The following ERP44 variants were observed in gnomAD, a reference collection of about 807,000 sequenced individuals.
ERP44 encodes endoplasmic reticulum protein 44, also known as endoplasmic reticulum resident protein 44.
A neutral mutation model predicts 53.4 loss-of-function variants in ERP44; 25 were observed. The observed-to-expected ratio is 0.47, with a 90% CI of 0.34 to 0.65. The LOEUF (loss-of-function observed/expected upper bound fraction) is 0.65. Among genes scored for constraint, ERP44 ranks in the 30% least tolerant of loss-of-function variants. The probability of loss-of-function intolerance (pLI) is 0.01; values close to 1 mark genes in which losing one functional copy is unlikely to be tolerated. For missense variants in ERP44, 338 were observed against 493.2 expected (o/e 0.69, Z 2.98); for synonymous variants, 145 against 161.2 (o/e 0.90, Z 0.76).
chr9:100,016,943 G>T (rs1830531318), intron 7 of ERP44, among the ~76,000 whole-genome samples: 1 of 152,150 alleles, frequency 6.6e-6, no homozygotes, highest in South Asian at 2.1e-4. Flanking sequence ...AGGCAGGAAG[G>T]CATTGTGAAA....
chr9:100,096,488 G>T (rs866086441), intron 1 of ERP44, among the ~76,000 whole-genome samples: 13 of 152,002 alleles, frequency 8.6e-5, no homozygotes, highest in South Asian at 2.1e-4. Context: ...CATCCAGAAA[G>T]GCTTTGTGGC....
chr9:99,999,379 A>C (rs56332470), intron 10 of ERP44, among the ~76,000 whole-genome samples: 1 of 152,172 alleles, frequency 6.6e-6, no homozygotes, highest in Non-Finnish European at 1.5e-5. Context: ...TAGATTGTGA[A>C]GATTTTCTCC....
Position 100,045,765 on chromosome 9 carries a change from C to T in ERP44, c.286+6652G>A, listed in dbSNP as rs995408442. ...AGGTGATTGATACAAACAAGACATA[C>T]GTGGGCATGATGATATCTTGATTCT... On this transcript the variant is annotated intron_variant, in intron 4 of 11. Transcript: ENST00000262455. Among the ~76,000 whole-genome samples the T allele has an allele frequency of 1.1e-4, 17 of 152,192 alleles. No individual in the cohort carries two copies. In the South Asian group the frequency reaches 1.5e-3, roughly 13 times the overall value.
chr9:100,032,664 T>A lies in ERP44; in HGVS notation c.287-10438A>T, dbSNP rs569987762. 2.0e-5 allele frequency among the ~76,000 whole-genome samples: 3 copies of A among 152,358 alleles called. 1 individual carries two copies. The East Asian group carries it at 5.8e-4, about 29-fold the overall frequency. Reference sequence around the variant, plus strand: ...GTAAAATTGTTGTATGGCACAGAAGTAAGCAAAATTAACTTGTCAATTGTG... The same window carrying A: ...GTAAAATTGTTGTATGGCACAGAAGAAAGCAAAATTAACTTGTCAATTGTG... On this transcript the variant is annotated intron_variant, in intron 4 of 11. Coordinates refer to ENST00000262455, the MANE Select transcript of ERP44 (RefSeq NM_015051.3).
At chr9:99,993,003 G>A (rs557520078) in intron 10 of ERP44, among the ~76,000 whole-genome samples, 2 of 152,248 alleles carry the variant, frequency 1.3e-5, no homozygotes, top group East Asian at 1.9e-4. Context: ...ACTGCTCAAC[G>A]AATTAAAAGA....
intron 1 of ERP44, among the ~76,000 whole-genome samples, chr9:100,076,827 G>A (rs1043638063): frequency 6.6e-6 from 1 of 152,200 alleles, no homozygotes; most frequent in Non-Finnish European, 1.5e-5. Flanking sequence ...GATCCATTCT[G>A]TGGACACCAC....
At chr9:100,032,638 T>C (rs921922223) in intron 4 of ERP44, among the ~76,000 whole-genome samples, 13 of 152,230 alleles carry the variant, frequency 8.5e-5, no homozygotes, top group Non-Finnish European at 1.5e-4. Flanking sequence ...ATAATTGATA[T>C]GTAAAATTGT....
chr9:100,069,022 G>C (rs1306186122), intron 1 of ERP44, among the ~76,000 whole-genome samples: 1 of 152,118 alleles, frequency 6.6e-6, no homozygotes, highest in Non-Finnish European at 1.5e-5. Context: ...AACATGTGCT[G>C]TGTCCACTCA....
At chr9:100,068,076 G>A (rs1223097016) in intron 1 of ERP44, among the ~76,000 whole-genome samples, 1 of 147,560 alleles carries the variant, frequency 6.8e-6, no homozygotes, top group Non-Finnish European at 1.5e-5. Flanking sequence ...CGGGAGGGAG[G>A]TGGGGGAGTC....
chr9:100,088,883 A>G (rs767201820), intron 1 of ERP44, among the ~76,000 whole-genome samples: 10 of 152,222 alleles, frequency 6.6e-5, no homozygotes, highest in Non-Finnish European at 1.3e-4. Context: ...TACTTCGAAT[A>G]TTCCAGAAGA....
rs531057500 is a variant in ERP44, at chr9:100,067,382, G to A, written c.58-7210C>T. Among the ~76,000 whole-genome samples the A allele has an allele frequency of 1.3e-3, 194 of 152,304 alleles. 1 individual carries two copies. Among genetic ancestry groups the A allele is most frequent in the Non-Finnish European group, 2.0e-3 (139 of 68,010 alleles). ...GTTTTCGTATTTTTTTGGTGGAGACGGGGTTTCGCTGTGTTGGCCGGGCTG... is the reference window on the plus strand; with the variant it reads ...GTTTTCGTATTTTTTTGGTGGAGACAGGGTTTCGCTGTGTTGGCCGGGCTG... On this transcript the variant is annotated intron_variant, in intron 1 of 11. Transcript: ENST00000262455.
intron 1 of ERP44, among the ~76,000 whole-genome samples, chr9:100,085,299 T>C (rs1368157987): frequency 1.3e-5 from 2 of 152,170 alleles, no homozygotes; most frequent in Non-Finnish European, 2.9e-5. Flanking sequence ...TATAATGAAC[T>C]TTTCTTTATC....
chr9:100,015,455 G>T (rs1830517501), intron 8 of ERP44, among the ~76,000 whole-genome samples: 2 of 152,138 alleles, frequency 1.3e-5, no homozygotes, highest in Non-Finnish European at 2.9e-5. Context: ...AGCCTCTTAG[G>T]TTTTTAAGTT....
intron 11 of ERP44, 124 bp downstream of exon 11, chr9:99,984,843 A>T (rs1830180120): frequency 6.8e-6 from 4 of 588,806 alleles, no homozygotes; most frequent in Non-Finnish European, 1.2e-5. Context: ...TTCTACTCAG[A>T]ATTTCTCTAC....
At chr9:100,030,695 T>G (rs1004929585) in intron 4 of ERP44, among the ~76,000 whole-genome samples, 3 of 152,212 alleles carry the variant, frequency 2.0e-5, no homozygotes, top group African/African-American at 7.2e-5. Context: ...GGATTAGGCA[T>G]GTACAGGATC....
intron 6 of ERP44, among the ~76,000 whole-genome samples, chr9:100,019,649 A>G (rs530686801): frequency 6.6e-6 from 1 of 152,236 alleles, no homozygotes; most frequent in East Asian, 1.9e-4. Context: ...AAATGATTCC[A>G]TCTTGAGAAA....
chr9:99,995,354 G>A (rs1830300459), intron 10 of ERP44, among the ~76,000 whole-genome samples: 1 of 152,084 alleles, frequency 6.6e-6, no homozygotes, highest in African/African-American at 2.4e-5. Context: ...GTTCTGCTAG[G>A]ATTTCCAGTA....
At chr9:100,082,889 A>G (rs1001268625) in intron 1 of ERP44, among the ~76,000 whole-genome samples, 1 of 152,180 alleles carries the variant, frequency 6.6e-6, no homozygotes, top group East Asian at 1.9e-4. Flanking sequence ...AAAGATTTAC[A>G]TATTTCCAAT....
chr9:99,998,855 GTTC>G, intron 10 of ERP44: 4 of 1,411,666 alleles, frequency 2.8e-6, no homozygotes, highest in Non-Finnish European at 4.0e-6. Context: ...AATAGGTGTA[GTTC>G]TTCTAGCAAT....
Sources: gnomAD v4.1 joint callset for allele counts (sites outside exome capture counted in the v4.1 genomes callset) on GRCh38, gnomAD v4.1.1 for gene constraint, MANE v1.5 for transcripts, NCBI Gene and HGNC (gene_info 2026-07-23, HGNC 2026-07-21) for gene names.